The following RNF38 variants were observed in gnomAD, a reference collection of about 807,000 sequenced individuals.
RNF38 encodes the protein ring finger protein 38, also known as E3 ubiquitin-protein ligase RNF38.
A neutral mutation model predicts 67.2 loss-of-function variants in RNF38; 15 were observed. That is an observed-to-expected ratio of 0.22 (90% CI 0.15 to 0.34). RNF38 has a LOEUF of 0.34. RNF38 is among the 10% of genes least tolerant of loss of function. The probability of loss-of-function intolerance (pLI) is 1.00; values close to 1 mark genes in which losing one functional copy is unlikely to be tolerated. For synonymous variants in RNF38, 220 were observed against 218.8 expected (o/e 1.01, Z -0.05); for missense variants, 524 against 639.9 (o/e 0.82, Z 1.95).
At chr9:36,417,632 T>C (rs564499029) in intron 2 of RNF38, among the ~76,000 whole-genome samples, 98 of 152,248 alleles carry the variant, frequency 6.4e-4, no homozygotes, top group Admixed American at 4.8e-3. Context: ...TGCCTCAACC[T>C]TCCGAGTAGC....
intron 1 of RNF38, among the ~76,000 whole-genome samples, chr9:36,469,480 A>G (rs1043756873): frequency 6.7e-6 from 1 of 149,240 alleles, no homozygotes; most frequent in Non-Finnish European, 1.5e-5. Flanking sequence ...ACCAACATGG[A>G]GAAACCCCAT....
Position 36,338,743 on chromosome 9 carries a change from ACTACAAAT to A in RNF38, c.*1001_*1008del, listed in dbSNP as rs1240433648. 1 of 149,188 alleles carries A rather than the reference ACTACAAAT, an allele frequency of 6.7e-6. No homozygotes were observed. Among genetic ancestry groups the A allele is most frequent in the African/African-American group, 2.4e-5 (1 of 41,252 alleles). The allele number at this position is 149,188 out of a possible 1,614,324, so 9.2% of individuals were successfully genotyped here. On this transcript the variant is annotated 3_prime_UTR_variant, in exon 12 of 12. Coordinates refer to ENST00000259605, the MANE Select transcript of RNF38 (RefSeq NM_022781.5). ...ATCAAATATCTTCAGAATAGACTAG[ACTACAAAT>A]CTAAACATTAAAAAAAATCACAGGT...
At chr9:36,430,724 A>C (rs1838910742) in intron 1 of RNF38, among the ~76,000 whole-genome samples, 1 of 152,082 alleles carries the variant, frequency 6.6e-6, no homozygotes, top group Non-Finnish European at 1.5e-5. Flanking sequence ...TGGAAATATG[A>C]GGACTTCGGG....
chr9:36,461,343 T>C (rs967903895), intron 1 of RNF38, among the ~76,000 whole-genome samples: 2 of 151,990 alleles, frequency 1.3e-5, no homozygotes, highest in African/African-American at 4.8e-5. Flanking sequence ...AGCAGAGAGG[T>C]AAAACCTTCT....
At position 36,353,299 on chromosome 9, in the gene RNF38, G is replaced by C; in HGVS notation, c.942C>G (p.Leu314=). 6.2e-7 allele frequency: 1 copy of C among 1,611,660 alleles called. No individual in the cohort carries two copies. The highest frequency in any genetic ancestry group is 8.5e-7 in the Non-Finnish European group (1 of 1,179,098). The change falls in exon 7 of 12, where the codon CTC becomes CTG. Residue 314 remains leucine, a synonymous_variant. Transcript: ENST00000259605. Reference sequence around the variant, plus strand: ...CTCCTACTGGAAGATGTTCTCCTAAGAGTTCCACTTCATTTTCTATCCTTT... The same window carrying C: ...CTCCTACTGGAAGATGTTCTCCTAACAGTTCCACTTCATTTTCTATCCTTT... The part of the protein sequence containing the change: ...PLQRIENEVE[L]LGEHLPVGGF...
intron 3 of RNF38, chr9:36,372,717 G>T: frequency 1.1e-5 from 5 of 457,844 alleles, no homozygotes; most frequent in South Asian, 9.9e-5. Flanking sequence ...CTATGAACGA[G>T]GACCATGATG....
chr9:36,365,657 T>C (rs921285435), intron 4 of RNF38, among the ~76,000 whole-genome samples: 3 of 130,426 alleles, frequency 2.3e-5, no homozygotes, highest in Admixed American at 2.1e-4. Flanking sequence ...TTGTTAAGAC[T>C]GATAGTTTTT....
chr9:36,401,588 T>C (rs1326718469), upstream of RNF38, among the ~76,000 whole-genome samples: 4 of 152,066 alleles, frequency 2.6e-5, no homozygotes, highest in Non-Finnish European at 4.4e-5. Flanking sequence ...AGATGTCGCT[T>C]GGGGAGGGGA....
rs575260127 is a variant in RNF38 at position 36,451,414 on chromosome 9, C to T, written n.242-26731G>A. On this transcript the variant is annotated intron_variant and non_coding_transcript_variant, in intron 1 of 3. Transcript: ENST00000488058. ...CGGGAGGCTGGAGGTCGCAGTGAGC[C>T]GAGATGGCACCACTGCACTCCTGCC... Among the ~76,000 whole-genome samples, 7 of 149,464 alleles carry T rather than the reference C, an allele frequency of 4.7e-5. No homozygotes were observed. In the South Asian group the frequency reaches 1.1e-3, roughly 23 times the overall value.
At chr9:36,436,031 T>C (rs1211596493) in intron 1 of RNF38, among the ~76,000 whole-genome samples, 1 of 152,198 alleles carries the variant, frequency 6.6e-6, no homozygotes, top group African/African-American at 2.4e-5. Context: ...AAAGCACTTG[T>C]TTCAAAATGG....
At chr9:36,473,093 T>C (rs139915741) in intron 1 of RNF38, among the ~76,000 whole-genome samples, 145 of 150,484 alleles carry the variant, frequency 9.6e-4, no homozygotes, top group African/African-American at 3.4e-3. Context: ...GATCACGCCA[T>C]TGCACTCCAG....
chr9:36,364,788 C>A (rs1834819392), intron 4 of RNF38, among the ~76,000 whole-genome samples: 1 of 152,198 alleles, frequency 6.6e-6, no homozygotes, highest in South Asian at 2.1e-4. Flanking sequence ...GTCCCACACC[C>A]ACAGATCCTG....
At chr9:36,380,396 C>T (rs1836124555) in intron 2 of RNF38, among the ~76,000 whole-genome samples, 1 of 152,196 alleles carries the variant, frequency 6.6e-6, no homozygotes, top group African/African-American at 2.4e-5. Flanking sequence ...GATGGGGTTT[C>T]TCCACGTTGG....
chr9:36,375,832 G>A (rs1206061844), intron 3 of RNF38, 102 bp downstream of exon 3: 2 of 1,035,340 alleles, frequency 1.9e-6, no homozygotes, highest in Admixed American at 2.9e-5. Context: ...ATGTGGTGAT[G>A]TGTTTATGAA....
intron 2 of RNF38, among the ~76,000 whole-genome samples, chr9:36,422,836 A>C (rs1838666082): frequency 6.6e-6 from 1 of 152,200 alleles, no homozygotes; most frequent in African/African-American, 2.4e-5. Context: ...CAGCTATAGA[A>C]AAGATTAATA....
At chr9:36,402,515 T>G (rs529281402), upstream of RNF38, among the ~76,000 whole-genome samples, 2 of 148,480 alleles carry the variant, frequency 1.3e-5, no homozygotes, top group South Asian at 4.3e-4. Flanking sequence ...AAAAAAATCC[T>G]CCCTACAGAA....
In RNF38 at chr9:36,431,957, A is replaced by G. The variant is rs571413535; in HGVS notation, n.242-7274T>C. 2.0e-5 allele frequency among the ~76,000 whole-genome samples: 3 copies of G among 152,226 alleles called. No individual in the cohort carries two copies. The East Asian group carries it at 5.8e-4, about 29-fold the overall frequency. ...AAATTAAGACGCTTCTCTCACCCCAATCACTCAGGAAATTCCTAGGGTTTT... is the reference window on the plus strand; with the variant it reads ...AAATTAAGACGCTTCTCTCACCCCAGTCACTCAGGAAATTCCTAGGGTTTT... On this transcript the variant is annotated intron_variant and non_coding_transcript_variant, in intron 1 of 3. Transcript: ENST00000488058.
chr9:36,486,184 C>T (rs1017684952), intron 1 of RNF38, among the ~76,000 whole-genome samples: 6 of 152,162 alleles, frequency 3.9e-5, no homozygotes, highest in African/African-American at 7.2e-5. Context: ...ACCCTCGTCC[C>T]TGCCTGTAAC....
At chr9:36,400,005 T>G (rs1226645256) in intron 1 of RNF38, 92 bp downstream of exon 1, 1 of 1,121,232 alleles carries the variant, frequency 8.9e-7, no homozygotes, top group African/African-American at 1.6e-5. Flanking sequence ...TAATTACATG[T>G]GTGTGTTTCT....
Sources: allele counts gnomAD v4.1 joint callset (sites outside exome capture counted in the v4.1 genomes callset), GRCh38; gene constraint gnomAD v4.1.1; transcripts MANE v1.5; gene names NCBI Gene and HGNC (gene_info 2026-07-23, HGNC 2026-07-21).